IKZF3: variants seen among roughly 807,000 people sequenced by gnomAD.
The protein encoded by IKZF3 is IKAROS family zinc finger 3.
Under a neutral mutation model 49.0 loss-of-function variants are expected in IKZF3, and 10 were observed. That is an observed-to-expected ratio of 0.20 (90% CI 0.13 to 0.35). The LOEUF (loss-of-function observed/expected upper bound fraction) is 0.35, where lower values mean the gene tolerates loss of function less well. Ranked by LOEUF, IKZF3 falls within the 10% of genes least tolerant of loss-of-function variation. The pLI is 1.00. For missense variants in IKZF3, 498 were observed against 664.8 expected (o/e 0.75, Z 2.76); for synonymous variants, 209 against 228.2 (o/e 0.92, Z 0.76).
intron 3 of IKZF3, among the ~76,000 whole-genome samples, chr17:39,828,697 A>G (rs191128835): frequency 1.4e-4 from 21 of 152,260 alleles, no homozygotes; most frequent in African/African-American, 5.1e-4. Flanking sequence ...AGGAATTACA[A>G]TCAGAATTGA....
intron 1 of IKZF3, among the ~76,000 whole-genome samples, chr17:39,849,574 G>A (rs762233358): frequency 2.0e-5 from 3 of 151,920 alleles, no homozygotes; most frequent in African/African-American, 7.3e-5. Context: ...CAGGAGAATC[G>A]CTGGGAGGTG....
At chr17:39,856,374 G>C (rs972916587) in intron 1 of IKZF3, among the ~76,000 whole-genome samples, 1 of 152,010 alleles carries the variant, frequency 6.6e-6, no homozygotes, top group East Asian at 2.0e-4. Context: ...CTGCAACCTC[G>C]GCCTCGCAGG....
At chr17:39,792,392 T>G (rs1257286374) in intron 4 of IKZF3, among the ~76,000 whole-genome samples, 1 of 152,230 alleles carries the variant, frequency 6.6e-6, no homozygotes. Context: ...ATCACACAAT[T>G]CAACTCCTAC....
At chr17:39,863,698 A>G (rs558481399) in intron 1 of IKZF3, among the ~76,000 whole-genome samples, 2 of 152,320 alleles carry the variant, frequency 1.3e-5, no homozygotes, top group South Asian at 4.1e-4. Context: ...TACCTTTCCC[A>G]TATGACACCA....
Position 39,829,449 on chromosome 17 carries a change from G to C in IKZF3, c.101C>G (p.Ser34Cys). The change falls in exon 3 of 8, where the codon TCT (serine) becomes TGT (cysteine). Residue 34 changes from serine (S) to cysteine (C), a missense_variant. Around this residue, in one of 3 missense-constraint regions of IKZF3, gnomAD observed 97 missense variants for 98.9 expected, o/e 0.98. Coordinates refer to ENST00000346872, the MANE Select transcript of IKZF3 (RefSeq NM_012481.5). ...AVLNDYSLTK[S>C]HEMENVDSGE... ...ACTGTCCACATTTTCCATTTCATGA[G>C]ATTTGGTTAAACTGTAGTCATTCAA... The C allele has an allele frequency of 6.2e-7, 1 of 1,613,980 alleles. No individual in the cohort carries two copies. Among genetic ancestry groups the C allele is most frequent in the South Asian group, 1.1e-5 (1 of 91,086 alleles).
At chr17:39,771,709 G>A (rs1242836984) in intron 7 of IKZF3, among the ~76,000 whole-genome samples, 2 of 152,052 alleles carry the variant, frequency 1.3e-5, no homozygotes, top group Non-Finnish European at 2.9e-5. Context: ...AGAGAACACA[G>A]GGGTGTGGGA....
chr17:39,791,124 A>G (rs896865682), intron 5 of IKZF3, among the ~76,000 whole-genome samples: 1 of 152,110 alleles, frequency 6.6e-6, no homozygotes, highest in Non-Finnish European at 1.5e-5. Flanking sequence ...GATGGCTATA[A>G]TTTTCTCACA....
At chr17:39,863,633 A>G (rs1267464270) in intron 1 of IKZF3, among the ~76,000 whole-genome samples, 1 of 152,178 alleles carries the variant, frequency 6.6e-6, no homozygotes, top group South Asian at 2.1e-4. Flanking sequence ...GGTAAAGAAG[A>G]CTCATTAGAA....
At chr17:39,810,276 A>C (rs2061520269) in intron 3 of IKZF3, among the ~76,000 whole-genome samples, 1 of 152,218 alleles carries the variant, frequency 6.6e-6, no homozygotes, top group African/African-American at 2.4e-5. Context: ...TCTCTTATAC[A>C]TAGTGGACAT....
Position 39,766,196 on chromosome 17 carries a change from C to T in IKZF3, c.1124G>A (p.Arg375Lys), listed in dbSNP as rs768559083. The T allele has an allele frequency of 2.4e-5, 38 of 1,613,974 alleles. 1 individual carries two copies. The South Asian group carries it at 4.1e-4, about 17-fold the overall frequency. The change falls in exon 8 of 8, where the codon AGA becomes AAA. Residue 375 changes from arginine (R) to lysine (K), a missense_variant. Physicochemically the swap from Arg to Lys is conservative, Grantham distance 26 (BLOSUM62 2). Coordinates refer to ENST00000346872, the MANE Select transcript of IKZF3 (RefSeq NM_012481.5). ...GCCACTATTGTTGGGAGAGAGGCCTCTCTCAGAAGGCACGCTCTTCTCTGG... is the reference window on the plus strand; with the variant it reads ...GCCACTATTGTTGGGAGAGAGGCCTTTCTCAGAAGGCACGCTCTTCTCTGG... ...HLPEKSVPSE[R>K]GLSPNNSGHD... is the part of the protein sequence containing the mutation.
rs150061512 is a variant in IKZF3 at position 39,856,808 on chromosome 17, A to AAAT, written c.7+7309_7+7311dup. On this transcript the variant is annotated intron_variant, in intron 1 of 7. Coordinates refer to ENST00000346872, the MANE Select transcript of IKZF3 (RefSeq NM_012481.5). Reference sequence around the variant, plus strand: ...GCAACAAGAGCGAGACTCCATCTCAAAATAATAATAATAATAATAATAATT... The same window carrying AAAT: ...GCAACAAGAGCGAGACTCCATCTCAAAATAATAATAATAATAATAATAATAATT... 2.6e-3 allele frequency among the ~76,000 whole-genome samples: 389 copies of AAAT among 151,180 alleles called. 2 individuals are homozygous for AAAT. The Middle Eastern group carries it at 0.031, about 12-fold the overall frequency.
chr17:39,808,441 CTCTT>C (rs775449434), intron 3 of IKZF3, among the ~76,000 whole-genome samples: 1 of 152,142 alleles, frequency 6.6e-6, no homozygotes, highest in Non-Finnish European at 1.5e-5. Context: ...CTGATTTTTG[CTCTT>C]TCTAAATTGG....
chr17:39,854,435 C>A (rs1169978908), intron 1 of IKZF3, among the ~76,000 whole-genome samples: 3 of 151,958 alleles, frequency 2.0e-5, no homozygotes, highest in African/African-American at 7.3e-5. Context: ...CAAAAAAAAT[C>A]ATCCTCTCTC....
intron 3 of IKZF3, among the ~76,000 whole-genome samples, chr17:39,819,246 C>T (rs2061747245): frequency 6.6e-6 from 1 of 152,092 alleles, no homozygotes; most frequent in Non-Finnish European, 1.5e-5. Context: ...TACCCCTGAA[C>T]CCAAAGTAAA....
chr17:39,845,648 C>A (rs1456507984), intron 1 of IKZF3, among the ~76,000 whole-genome samples: 1 of 152,084 alleles, frequency 6.6e-6, no homozygotes, highest in South Asian at 2.1e-4. Flanking sequence ...GACCATATGA[C>A]CTGCAAAGCC....
At chr17:39,802,221 C>CAAAAAA (rs56029512) in intron 3 of IKZF3, among the ~76,000 whole-genome samples, 8 of 54,416 alleles carry the variant, frequency 1.5e-4, no homozygotes, top group Non-Finnish European at 1.8e-4. Flanking sequence ...GACTCCATCT[C>CAAAAAA]AAAAAAAAAA....
chr17:39,815,500 C>T (rs538192792), intron 3 of IKZF3, among the ~76,000 whole-genome samples: 25 of 152,230 alleles, frequency 1.6e-4, no homozygotes, highest in African/African-American at 5.3e-4. Context: ...TGATCATAGG[C>T]CAAGATATAA....
At chr17:39,860,451 T>G (rs1208724989) in intron 1 of IKZF3, among the ~76,000 whole-genome samples, 1 of 152,208 alleles carries the variant, frequency 6.6e-6, no homozygotes, top group African/African-American at 2.4e-5. Flanking sequence ...TCTGCTCATA[T>G]TCAATGGATA....
intron 6 of IKZF3, among the ~76,000 whole-genome samples, chr17:39,782,024 A>T (rs2060755916): frequency 6.6e-6 from 1 of 152,208 alleles, no homozygotes. Context: ...TTTCTGGGTC[A>T]TTCACTCAAA....
Sources: allele counts gnomAD v4.1 joint callset (sites outside exome capture counted in the v4.1 genomes callset), GRCh38; gene constraint gnomAD v4.1.1; regional missense constraint gnomAD v4.1.1; transcripts MANE v1.5; gene names NCBI Gene and HGNC (gene_info 2026-07-23, HGNC 2026-07-21).